The following DMD variants were observed in gnomAD, a reference collection of about 807,000 sequenced individuals.
DMD encodes the protein dystrophin.
A neutral mutation model predicts 330.1 loss-of-function variants in DMD; 63 were observed. The observed-to-expected ratio is 0.19, with a 90% confidence interval of 0.16 to 0.24. DMD has a LOEUF of 0.24. DMD is among the 10% of genes least tolerant of loss of function. The pLI is 1.00. For missense variants in DMD, 3,344 were observed against 2,684.1 expected, an observed-to-expected ratio of 1.25 and a Z score of -5.43; for synonymous variants, 1,223 against 959.8, an observed-to-expected ratio of 1.27 and a Z score of -5.07.
intron 13 of DMD, among the ~76,000 whole-genome samples, chrX:32,582,795 G>C (rs5972604): frequency 1.8e-5 from 2 of 111,474 alleles, no homozygotes; most frequent in African/African-American, 6.6e-5. Flanking sequence ...TTCTTAGAGC[G>C]CTTACTTTAG....
intron 2 of DMD, among the ~76,000 whole-genome samples, chrX:33,009,618 GTGTA>G (rs1445297268): frequency 5.0e-5 from 3 of 60,593 alleles, no homozygotes; most frequent in Non-Finnish European, 9.8e-5. Context: ...ACACATATGT[GTGTA>G]TGTGTGTATG....
intron 7 of DMD, among the ~76,000 whole-genome samples, chrX:32,772,031 G>A (rs1223371435): frequency 1.8e-5 from 2 of 111,914 alleles, no homozygotes; most frequent in Non-Finnish European, 3.8e-5. Flanking sequence ...ACCTGAAACC[G>A]GTACAGAAGA....
chrX:31,412,427 T>A (rs1009571174), intron 60 of DMD, among the ~76,000 whole-genome samples: 4 of 112,007 alleles, frequency 3.6e-5, no homozygotes, highest in Non-Finnish European at 7.5e-5. Flanking sequence ...AATATAATCA[T>A]GGGACAAAGT....
chrX:32,847,599 G>C (rs974440775), intron 3 of DMD, among the ~76,000 whole-genome samples: 5 of 112,071 alleles, frequency 4.5e-5, no homozygotes, highest in African/African-American at 1.3e-4. Context: ...TCTGCTTTAT[G>C]AGAAAGGCAA....
chrX:32,114,043 A>G lies in DMD; in HGVS notation c.6438+102873T>C, dbSNP rs779552352. On this transcript the variant is annotated intron_variant, in intron 44 of 78. Transcript: ENST00000357033. ...CAACATTTTGTTGCTAAATTATAAC[A>G]TTAAGTAATCCAGATCACACAATAT... Among the ~76,000 whole-genome samples the G allele has an allele frequency of 4.4e-5, 5 of 112,480 alleles. No individual in the cohort carries two copies. In the South Asian group the frequency reaches 1.8e-3, roughly 41 times the overall value.
chrX:32,360,516 A>T (rs2097827898), intron 37 of DMD, among the ~76,000 whole-genome samples: 1 of 111,281 alleles, frequency 9.0e-6, no homozygotes, highest in African/African-American at 3.3e-5. Context: ...GGCCAGGCAC[A>T]GTGGTTCACG....
chrX:32,489,291 G>A (rs940057115), intron 20 of DMD, among the ~76,000 whole-genome samples: 1 of 109,135 alleles, frequency 9.2e-6, no homozygotes, highest in Admixed American at 9.9e-5. Context: ...TTGGTGATAG[G>A]ACTTTTAAGA....
In DMD at chrX:33,009,394, GTGTGTATA is replaced by G. The variant is rs1398150431; in HGVS notation, c.93+10737_93+10744del. 8.1e-4 allele frequency among the ~76,000 whole-genome samples: 69 copies of G among 85,234 alleles called. 14 individuals are homozygous for G. Among genetic ancestry groups the G allele is most frequent in the African/African-American group, 2.6e-3 (53 of 20,736 alleles). The allele number at this position is 85,234 out of a possible 115,157, so 74.0% of individuals were successfully genotyped here. On this transcript the variant is annotated intron_variant, in intron 2 of 78. Transcript: ENST00000357033. ...TATGTGTATATACACGTGTATATAT[GTGTGTATA>G]TGTGTATATACACATGTGTGTATAT... is the stretch of plus-strand genomic sequence containing the variant.
intron 44 of DMD, among the ~76,000 whole-genome samples, chrX:32,071,522 G>T (rs1249848245): frequency 3.6e-5 from 3 of 83,364 alleles, no homozygotes; most frequent in African/African-American, 1.3e-4. Context: ...GTGGGGGGAG[G>T]GGGGAGGGAT....
At chrX:33,145,276 G>A (rs2047972788) in intron 1 of DMD, among the ~76,000 whole-genome samples, 1 of 111,664 alleles carries the variant, frequency 9.0e-6, no homozygotes, top group South Asian at 3.7e-4. Flanking sequence ...CTTCTGGAAG[G>A]TTCTTCCTCA....
intron 50 of DMD, among the ~76,000 whole-genome samples, chrX:31,812,544 G>A (rs753347965): frequency 5.5e-5 from 6 of 109,733 alleles, no homozygotes. Flanking sequence ...TTGTGCACAT[G>A]TACCCTAAAA....
At position 32,534,751 on chromosome X, in the gene DMD, A is replaced by G. The variant is rs199781040; in HGVS notation, c.2168+10408T>C. On this transcript the variant is annotated intron_variant, in intron 17 of 78. Transcript: ENST00000357033. The stretch of plus-strand genomic sequence containing the variant: ...ATCTCCTCAGAAGAGCCCTATCTTC[A>G]TGACCTCATCTAAATCAAATTATCT... Among the ~76,000 whole-genome samples, 35 of 111,307 alleles carry G rather than the reference A, an allele frequency of 3.1e-4. No individual in the cohort carries two copies. In the East Asian group the frequency reaches 0.01, roughly 32 times the overall value.
chrX:31,721,679 TCTCTCA>T (rs1442450877), intron 52 of DMD, among the ~76,000 whole-genome samples: 1 of 43,368 alleles, frequency 2.3e-5, no homozygotes, highest in African/African-American at 1.4e-4. Flanking sequence ...TCTCTCTCTC[TCTCTCA>T]CTCTCTCTCT....
In DMD at chrX:32,645,027, C is replaced by T. The variant is rs2146833549; in HGVS notation, c.1086G>A (p.Leu362=). 8.3e-7 allele frequency: 1 copy of T among 1,211,618 alleles called. No individual in the cohort carries two copies. Among genetic ancestry groups the T allele is most frequent in the Non-Finnish European group, 1.1e-6 (1 of 895,461 alleles). ...CATTAGAAATCTCTCCTTGTGCTTG[C>T]AATGTGTCCTCAGCAGAAAGAAGCC... is the stretch of plus-strand genomic sequence containing the variant. ...LSWLLSAEDT[L]QAQGEISNDV... is the part of the protein sequence containing the mutation. The change falls in exon 10 of 79, where the codon TTG becomes TTA. Residue 362 remains leucine, a synonymous_variant. Coordinates refer to ENST00000357033, the MANE Select transcript of DMD (RefSeq NM_004006.3).
Position 33,020,199 on chromosome X carries a change from A to G in DMD, c.33T>C (p.Tyr11=). 8.6e-7 allele frequency: 1 copy of G among 1,157,469 alleles called. No homozygotes were observed. Among genetic ancestry groups the G allele is most frequent in the Non-Finnish European group, 1.2e-6 (1 of 852,330 alleles). MLWWEEVEDC[Y]EREDVQKKTF... The stretch of plus-strand genomic sequence containing the variant: ...TTTTCTTTTGAACATCTTCTCTTTC[A>G]TCTAAAATGCAAAATAAAAAAATAA... Residue 11 remains tyrosine, a splice_region_variant and synonymous_variant, in exon 2 of 79, where the codon TAT becomes TAC. Transcript: ENST00000357033.
intron 44 of DMD, among the ~76,000 whole-genome samples, chrX:32,081,764 G>A (rs1475473540): frequency 9.0e-6 from 1 of 111,106 alleles, no homozygotes; most frequent in Non-Finnish European, 1.9e-5. Flanking sequence ...TGAGGCAGAA[G>A]AATCACTTGA....
At chrX:31,333,119 G>C (rs2148374353) in intron 61 of DMD, among the ~76,000 whole-genome samples, 1 of 111,532 alleles carries the variant, frequency 9.0e-6, no homozygotes, top group East Asian at 2.8e-4. Flanking sequence ...CTTCCTCTTG[G>C]CATTCTGATG....
intron 52 of DMD, among the ~76,000 whole-genome samples, chrX:31,697,491 G>C (rs1174044913): frequency 1.8e-5 from 2 of 111,400 alleles, no homozygotes; most frequent in Non-Finnish European, 1.9e-5. Context: ...CTGAGACCCA[G>C]CATGTGTCCT....
intron 44 of DMD, among the ~76,000 whole-genome samples, chrX:32,075,492 T>A (rs1204582779): frequency 8.9e-6 from 1 of 111,929 alleles, no homozygotes; most frequent in South Asian, 3.7e-4. Context: ...CAGATACTTA[T>A]TTTTTGACAA....
Sources: gnomAD v4.1 joint callset for allele counts (sites outside exome capture counted in the v4.1 genomes callset) on GRCh38, gnomAD v4.1.1 for gene constraint, MANE v1.5 for transcripts, NCBI Gene and HGNC (gene_info 2026-07-23, HGNC 2026-07-21) for gene names.